Variants in NBEAL1 observed in about 807,000 individuals in gnomAD.
NBEAL1 encodes the protein neurobeachin-like protein 1.
Under a neutral mutation model 351.3 loss-of-function variants are expected in NBEAL1, and 273 were observed. The ratio of observed to expected loss-of-function variants is 0.78; its 90% CI spans 0.70 to 0.86. NBEAL1 has a LOEUF of 0.86. Ranked by LOEUF, NBEAL1 falls within the 40% of genes least tolerant of loss-of-function variation. The pLI is 0.00. For missense variants in NBEAL1, 2,961 were observed against 3,201.3 expected (o/e 0.92, Z 1.81); for synonymous variants, 1,050 against 1,086.4 (o/e 0.97, Z 0.66).
chr2:203,083,151 C>A, intron 8 of NBEAL1, 68 bp from the exon 9 acceptor site: 1 of 1,358,410 alleles, frequency 7.4e-7, no homozygotes, highest in African/African-American at 1.5e-5. Flanking sequence ...GTATTAAATT[C>A]TCATTATTGC....
chr2:203,099,814 G>A, intron 12 of NBEAL1, 102 bp downstream of exon 12: 3 of 734,840 alleles, frequency 4.1e-6, no homozygotes, highest in Admixed American at 3.0e-5. Context: ...GATATCATGG[G>A]GATTTGGTGT....
intron 51 of NBEAL1, among the ~76,000 whole-genome samples, chr2:203,206,797 G>T (rs553298965): frequency 5.3e-4 from 81 of 151,664 alleles, no homozygotes; most frequent in African/African-American, 1.8e-3. Context: ...AGCCTGCCTT[G>T]GCCTCCCAAA....
chr2:203,149,249 CAAT>C, intron 34 of NBEAL1, 101 bp downstream of exon 34: 2 of 764,714 alleles, frequency 2.6e-6, no homozygotes, highest in Non-Finnish European at 4.0e-6. Flanking sequence ...CTTAAATGTT[CAAT>C]TCATAAAAGG....
At chr2:203,153,183 A>G (rs1043993737) in intron 35 of NBEAL1, among the ~76,000 whole-genome samples, 86 of 151,992 alleles carry the variant, frequency 5.7e-4, no homozygotes, top group African/African-American at 2.0e-3. Flanking sequence ...ACCAAGCTAG[A>G]TTGCAGAGGC....
At chr2:203,183,144 G>C (rs1230363699) in intron 43 of NBEAL1, 135 bp from the exon 44 acceptor site, 61 of 473,112 alleles carry the variant, frequency 1.3e-4, no homozygotes, top group Non-Finnish European at 1.9e-5. Context: ...AAATTAACTG[G>C]TATGTACTCC....
chr2:203,052,320 G>GCC, intron 4 of NBEAL1: 1 of 152,930 alleles, frequency 6.5e-6, no homozygotes, highest in South Asian at 2.1e-4. Context: ...ACTGCAATAT[G>GCC]TGTACTGTGA....
At chr2:203,183,566 T>G in intron 44 of NBEAL1, among the ~76,000 whole-genome samples, 178 bp downstream of exon 44, 1 of 152,082 alleles carries the variant, frequency 6.6e-6, no homozygotes, top group East Asian at 1.9e-4. Flanking sequence ...TCTGATATAA[T>G]GAGACTATAG....
chr2:203,043,725 T>A (rs1275022980), intron 3 of NBEAL1, among the ~76,000 whole-genome samples: 1 of 145,082 alleles, frequency 6.9e-6, no homozygotes, highest in African/African-American at 2.6e-5. Flanking sequence ...TAAAACCCTG[T>A]CTCAAAAAAA....
chr2:203,184,825 G>A (rs2064848223), intron 44 of NBEAL1, among the ~76,000 whole-genome samples: 1 of 151,836 alleles, frequency 6.6e-6, no homozygotes, highest in Non-Finnish European at 1.5e-5. Context: ...TACTTGGGAG[G>A]CTGAAGTGAG....
chr2:203,215,392 A>G (rs946718859), intron 55 of NBEAL1, among the ~76,000 whole-genome samples: 1 of 152,140 alleles, frequency 6.6e-6, no homozygotes, highest in Non-Finnish European at 1.5e-5. Context: ...AGTCCCAGCT[A>G]CTCTGGAGGT....
At chr2:203,148,026 A>T (rs2063553657) in intron 33 of NBEAL1, among the ~76,000 whole-genome samples, 3 of 152,138 alleles carry the variant, frequency 2.0e-5, no homozygotes, top group Middle Eastern at 3.4e-3. Flanking sequence ...AGCTGTCATG[A>T]CTTCCTTAGT....
chr2:203,077,492 AT>A (rs966932226), intron 7 of NBEAL1, among the ~76,000 whole-genome samples: 1 of 152,140 alleles, frequency 6.6e-6, no homozygotes, highest in African/African-American at 2.4e-5. Flanking sequence ...CCTTTTTCTC[AT>A]TTATAAATGG....
upstream of NBEAL1, chr2:203,014,666 C>T (rs1208090646): frequency 1.3e-5 from 2 of 152,348 alleles, no homozygotes; most frequent in East Asian, 3.9e-4. Flanking sequence ...CCGGCGCCCG[C>T]CAAGGGATGG....
chr2:203,096,433 C>T (rs1254877741), intron 10 of NBEAL1, among the ~76,000 whole-genome samples: 1 of 152,132 alleles, frequency 6.6e-6, no homozygotes, highest in Non-Finnish European at 1.5e-5. Context: ...GAACCTTGTT[C>T]CTTAGCATGC....
intron 55 of NBEAL1, among the ~76,000 whole-genome samples, chr2:203,216,688 CTT>C (rs1325603475): frequency 1.3e-5 from 2 of 152,098 alleles, no homozygotes; most frequent in African/African-American, 2.4e-5. Context: ...AATCTGGTAA[CTT>C]TGACATAACG....
At position 203,122,305 on chromosome 2, in the gene NBEAL1, AGAT is replaced by A; in HGVS notation, c.2645_2647del (p.Arg882_Leu883delinsIle). ...TTTATCTACTAATTGTTTGCATGGA[AGAT>A]TAACAGGAAACAAAGTAGTGAACTG... is the stretch of plus-strand genomic sequence containing the variant. On this transcript the variant is annotated inframe_deletion, in exon 19 of 56. Coordinates refer to ENST00000683969, the MANE Select transcript of NBEAL1 (RefSeq NM_001378026.1). 6.5e-7 allele frequency: 1 copy of A among 1,545,794 alleles called. No homozygotes were observed. Among genetic ancestry groups the A allele is most frequent in the Non-Finnish European group, 8.7e-7 (1 of 1,144,854 alleles).
rs2062467189 is a variant in NBEAL1, at chr2:203,107,688, T to C, written c.1449T>C (p.Leu483=). 2 of 1,553,080 alleles carry C rather than the reference T, an allele frequency of 1.3e-6. No individual in the cohort carries two copies. Among genetic ancestry groups the C allele is most frequent in the Non-Finnish European group, 1.7e-6 (2 of 1,147,350 alleles). The change falls in exon 14 of 56, where the codon CTT becomes CTC. Residue 483 remains leucine (L), a synonymous_variant. Transcript: ENST00000683969. ...VQPLLLLIQW[L]PELQSHDLQI... ...CTCTCTTGCTTCTTATCCAGTGGCT[T>C]CCAGAACTACAATCCCATGACCTGC...
rs377046379 is a variant in NBEAL1 at position 203,190,282 on chromosome 2, C to A, written c.6824-10C>A. The A allele has an allele frequency of 8.5e-5, 136 of 1,592,756 alleles. No individual in the cohort carries two copies. The highest frequency in any genetic ancestry group is 1.0e-4 in the Non-Finnish European group (120 of 1,170,426). On this transcript the variant is annotated splice_polypyrimidine_tract_variant and intron_variant, in intron 45 of 55. Transcript: ENST00000683969. ...TCACTCTATAGTAAGTTGACTTCTTCTGGTTTTAGGAGCTGTGGATCTGGA... is the reference window on the plus strand; with the variant it reads ...TCACTCTATAGTAAGTTGACTTCTTATGGTTTTAGGAGCTGTGGATCTGGA...
Position 203,217,951 on chromosome 2 carries a change from A to G in NBEAL1, c.*597A>G, listed in dbSNP as rs2065915274. 2 of 939,362 alleles carry G rather than the reference A, an allele frequency of 2.1e-6. No homozygotes were observed. The highest frequency in any genetic ancestry group is 6.2e-5 in the Admixed American group (1 of 16,178). 58.2% of individuals were successfully genotyped at this position (939,362 alleles called of 1,614,324 possible). A position where few individuals can be genotyped will look rare whatever the true frequency, so the allele number is the denominator to read the frequency against. The stretch of plus-strand genomic sequence containing the variant: ...TTCTAATGAGAAGTTACTGAAATCT[A>G]TTACTGTCCTTAATAAAAATTGAGT... On this transcript the variant is annotated 3_prime_UTR_variant, in exon 56 of 56. Transcript: ENST00000683969.
Sources: allele counts gnomAD v4.1 joint callset (sites outside exome capture counted in the v4.1 genomes callset), GRCh38; gene constraint gnomAD v4.1.1; transcripts MANE v1.5; gene names NCBI Gene and HGNC (gene_info 2026-07-23, HGNC 2026-07-21).